The following WDR35 variants were observed in gnomAD, a reference collection of about 807,000 sequenced individuals.
The protein encoded by WDR35 is WD repeat domain 35.
In WDR35, 118 loss-of-function variants were observed where a neutral mutation model predicts 158.3. That is an observed-to-expected ratio of 0.75 (90% CI 0.64 to 0.87). The LOEUF (loss-of-function observed/expected upper bound fraction) is 0.87, where lower values mean the gene tolerates loss of function less well. Ranked by LOEUF, WDR35 falls within the 40% of genes least tolerant of loss-of-function variation. The pLI, the probability that WDR35 is intolerant of heterozygous loss-of-function variation, is 0.00. For synonymous variants in WDR35, 448 were observed against 476.1 expected (o/e 0.94, Z 0.77); for missense variants, 1,263 against 1,405.8 (o/e 0.90, Z 1.62).
intron 16 of WDR35, among the ~76,000 whole-genome samples, chr2:19,942,545 G>A (rs963723677): frequency 8.1e-5 from 12 of 148,336 alleles, no homozygotes; most frequent in African/African-American, 3.0e-4. Flanking sequence ...TTTATCATTA[G>A]AAATTTTTTT....
At chr2:19,928,746 A>G (rs1327230567) in intron 25 of WDR35, among the ~76,000 whole-genome samples, 1 of 152,196 alleles carries the variant, frequency 6.6e-6, no homozygotes, top group African/African-American at 2.4e-5. Flanking sequence ...CAGGCAGCAT[A>G]ATAAGTGAGT....
rs199849430 is a variant in WDR35 at position 19,933,432 on chromosome 2, G to C, written c.2627C>G (p.Ala876Gly). 7.3e-5 allele frequency: 118 copies of C among 1,613,814 alleles called. No homozygotes were observed. Among genetic ancestry groups the C allele is most frequent in the Non-Finnish European group, 9.6e-5 (113 of 1,179,920 alleles). The change falls in exon 22 of 27, where the codon GCA (alanine) becomes GGA (glycine). Residue 876 changes from alanine to glycine, a missense_variant. Coordinates refer to ENST00000281405, the MANE Select transcript of WDR35 (RefSeq NM_020779.4). ...TAFLKCSQPK[A>G]AVDTCVHLNQ... ...GAGATGTACGCAGGTATCTACTGCT[G>C]CCTTTGGTTGACTACATTTCAAAAA... is the stretch of plus-strand genomic sequence containing the variant.
At chr2:19,979,772 TAC>T (rs67421990) in intron 4 of WDR35, among the ~76,000 whole-genome samples, 91,822 of 146,108 alleles carry the variant, frequency 0.63, 29,735 homozygotes, top group Non-Finnish European at 0.73. Flanking sequence ...TTCTATCCCC[TAC>T]ACACACACAC....
At chr2:19,989,494 G>A (rs577529055) in intron 1 of WDR35, among the ~76,000 whole-genome samples, 29 of 152,290 alleles carry the variant, frequency 1.9e-4, no homozygotes, top group African/African-American at 6.5e-4. Context: ...CAAAAGAGAA[G>A]GATAGTGACT....
chr2:19,975,020 C>G (rs1256883872), intron 6 of WDR35, among the ~76,000 whole-genome samples: 2 of 152,146 alleles, frequency 1.3e-5, no homozygotes, highest in Admixed American at 1.3e-4. Context: ...ATAGCTAAAC[C>G]TTGCAAAGCC....
Position 19,941,859 on chromosome 2 carries a change from G to A in WDR35, c.1846-20C>T. 1 of 1,510,588 alleles carries A rather than the reference G, an allele frequency of 6.6e-7. No individual in the cohort carries two copies. The highest frequency in any genetic ancestry group is 9.1e-7 in the Non-Finnish European group (1 of 1,104,148). The allele number at this position is 1,510,588 out of a possible 1,614,324, so 93.6% of individuals were successfully genotyped here. A position where few individuals can be genotyped will look rare whatever the true frequency, so the allele number is the denominator to read the frequency against. On this transcript the variant is annotated intron_variant, in intron 16 of 26. Coordinates refer to ENST00000281405, the MANE Select transcript of WDR35 (RefSeq NM_020779.4). ...GGGTTCCTTTAAAGACAAAAAAAAA[G>A]TTATGTTTCATTATGCAAAATTTCC...
intron 14 of WDR35, 89 bp downstream of exon 14, chr2:19,948,075 T>C (rs2103418917): frequency 1.9e-6 from 2 of 1,060,960 alleles, no homozygotes; most frequent in South Asian, 3.2e-5. Flanking sequence ...GTAACTGTGA[T>C]TACAGACATG....
chr2:19,913,339 G>T lies in WDR35; in HGVS notation c.*219C>A, dbSNP rs550547936. ...AGAGAGGGTGAGAGAAAACATGGTT[G>T]ATTTTCATACATTTATATGAAAATC... is the stretch of plus-strand genomic sequence containing the variant. On this transcript the variant is annotated 3_prime_UTR_variant, in exon 27 of 27. Transcript: ENST00000281405. 481 of 485,950 alleles carry T rather than the reference G, an allele frequency of 9.9e-4. 7 individuals carry two copies. The highest frequency in any genetic ancestry group is 8.8e-3 in the African/African-American group (450 of 51,114). The allele number at this position is 485,950 out of a possible 1,614,324, so 30.1% of individuals were successfully genotyped here.
chr2:19,958,671 G>A (rs1028486350), intron 11 of WDR35, among the ~76,000 whole-genome samples: 1 of 152,094 alleles, frequency 6.6e-6, no homozygotes, highest in African/African-American at 2.4e-5. Flanking sequence ...TTAGGTCATG[G>A]GGATACAGAA....
At chr2:19,936,664 C>G (rs954805648) in intron 19 of WDR35, among the ~76,000 whole-genome samples, 4 of 152,058 alleles carry the variant, frequency 2.6e-5, no homozygotes, top group Non-Finnish European at 5.9e-5. Context: ...TTGATTAATG[C>G]CCTCATAAAA....
At chr2:19,927,362 G>T (rs773758007) in intron 25 of WDR35, among the ~76,000 whole-genome samples, 1 of 152,212 alleles carries the variant, frequency 6.6e-6, no homozygotes, top group Non-Finnish European at 1.5e-5. Context: ...TTGCATTGCA[G>T]AACAGGCAGA....
rs1670750193 is a variant in WDR35, at chr2:19,937,836, T to C, written c.2174A>G (p.Lys725Arg). Residue 725 changes from lysine to arginine, a missense_variant, in exon 19 of 27, where the codon AAA (lysine) becomes AGA (arginine). Physicochemically the swap from Lys to Arg is conservative, Grantham distance 26. Transcript: ENST00000281405. The part of the protein sequence containing the change: ...QGIKFVKRLG[K>R]LLSESMKQAE... Reference sequence around the variant, plus strand: ...CTGTTTCATTGACTCACTCAGTAGTTTGCCCAAGCGCTTCACAAACTTAAT... The same window carrying C: ...CTGTTTCATTGACTCACTCAGTAGTCTGCCCAAGCGCTTCACAAACTTAAT... 2.5e-6 allele frequency: 4 copies of C among 1,614,180 alleles called. No individual in the cohort carries two copies. Among genetic ancestry groups the C allele is most frequent in the East Asian group, 2.2e-5 (1 of 44,876 alleles).
intron 10 of WDR35, among the ~76,000 whole-genome samples, chr2:19,961,703 G>GA (rs1671665522): frequency 6.6e-6 from 1 of 152,192 alleles, no homozygotes; most frequent in Non-Finnish European, 1.5e-5. Flanking sequence ...AGTTTTGGGG[G>GA]ATGCTCAAGG....
chr2:19,950,347 A>G (rs1221048841), intron 13 of WDR35, among the ~76,000 whole-genome samples: 1 of 152,192 alleles, frequency 6.6e-6, no homozygotes, highest in Non-Finnish European at 1.5e-5. Flanking sequence ...TGGCAATTCA[A>G]AGTCTTCTGG....
At position 19,951,702 on chromosome 2, in the gene WDR35, G is replaced by A. The variant is rs188832255; in HGVS notation, c.1401-218C>T. 165 of 422,422 alleles carry A rather than the reference G, an allele frequency of 3.9e-4. 1 individual carries two copies. Among genetic ancestry groups the A allele is most frequent in the African/African-American group, 3.2e-3 (160 of 49,650 alleles). The allele number at this position is 422,422 out of a possible 1,614,324, so 26.2% of individuals were successfully genotyped here. ...TATAAATGATACGTTCCTGAAAGCT[G>A]TACCAAAAACATATCTGAACATTTC... On this transcript the variant is annotated intron_variant, in intron 12 of 26. Transcript: ENST00000281405.
In WDR35 at chr2:19,990,018, T is replaced by C; in HGVS notation, c.-3A>G. On this transcript the variant is annotated 5_prime_UTR_variant, in exon 1 of 27. Coordinates refer to ENST00000281405, the MANE Select transcript of WDR35 (RefSeq NM_020779.4). ...TTCTTGCTCAGGTAGAAGAACATCG[T>C]GGGATCCCCGAGAGGGTCACGGCGG... 1 of 1,613,916 alleles carries C rather than the reference T, an allele frequency of 6.2e-7. No individual in the cohort carries two copies. Among genetic ancestry groups the C allele is most frequent in the Non-Finnish European group, 8.5e-7 (1 of 1,179,922 alleles).
chr2:19,954,168 G>A (rs953130642), intron 11 of WDR35, among the ~76,000 whole-genome samples, 190 bp from the exon 12 acceptor site: 9 of 152,082 alleles, frequency 5.9e-5, no homozygotes, highest in Admixed American at 2.0e-4. Context: ...ATCATACAAC[G>A]ATACTAACTC....
At chr2:19,984,502 G>T (rs1310831362) in intron 2 of WDR35, among the ~76,000 whole-genome samples, 1 of 152,000 alleles carries the variant, frequency 6.6e-6, no homozygotes, top group East Asian at 1.9e-4. Context: ...AGTAATCCTT[G>T]GATTTAAAAG....
chr2:19,962,433 A>G, intron 10 of WDR35: 1 of 1,038,120 alleles, frequency 9.6e-7, no homozygotes, highest in Non-Finnish European at 1.5e-6. Context: ...AATAATCATC[A>G]ATGACCAATA....
Sources: allele counts gnomAD v4.1 joint callset (sites outside exome capture counted in the v4.1 genomes callset), GRCh38; gene constraint gnomAD v4.1.1; transcripts MANE v1.5; gene names NCBI Gene and HGNC (gene_info 2026-07-23, HGNC 2026-07-21).